Variants in PSD3 observed in about 807,000 individuals in gnomAD.
PSD3 encodes PH and SEC7 domain-containing protein 3.
PSD3 carries 49 observed loss-of-function variants against 105.5 expected under a neutral mutation model. The ratio of observed to expected loss-of-function variants is 0.46; its 90% confidence interval spans 0.37 to 0.59. PSD3 has a LOEUF of 0.59. PSD3 is among the 20% of genes least tolerant of loss of function. PSD3 has a pLI of 0.00. For synonymous variants in PSD3, 557 were observed against 457.8 expected (o/e 1.22, Z -2.77); for missense variants, 1,561 against 1,263.8 (o/e 1.24, Z -3.57).
At chr8:18,806,856 T>A (rs184562340) in intron 4 of PSD3, among the ~76,000 whole-genome samples, 1 of 152,210 alleles carries the variant, frequency 6.6e-6, no homozygotes, top group Non-Finnish European at 1.5e-5. Flanking sequence ...AAATATTCTA[T>A]TATAATCATT....
intron 1 of PSD3, among the ~76,000 whole-genome samples, chr8:18,944,864 A>G (rs1310046456): frequency 6.6e-6 from 1 of 152,116 alleles, no homozygotes; most frequent in Non-Finnish European, 1.5e-5. Flanking sequence ...TTATTCTCTG[A>G]GCATTTATTT....
chr8:18,873,059 G>A (rs1043392730), intron 2 of PSD3, among the ~76,000 whole-genome samples: 2 of 152,162 alleles, frequency 1.3e-5, no homozygotes, highest in African/African-American at 2.4e-5. Flanking sequence ...GTTACAATAA[G>A]GATATGTACC....
rs1817483788 is a variant in PSD3, at chr8:18,872,844, T to C, written c.131-111A>G. 2.9e-6 allele frequency: 3 copies of C among 1,047,128 alleles called. No homozygotes were observed. In the South Asian group the frequency reaches 5.0e-5, roughly 17 times the overall value. 64.9% of individuals were successfully genotyped at this position (1,047,128 alleles called of 1,614,324 possible). ...ACTCAATAATACTTATTAACTTGAT[T>C]ATTGCATTATATCAGTCCTCCCACC... is the stretch of plus-strand genomic sequence containing the variant. On this transcript the variant is annotated intron_variant, in intron 2 of 15. Transcript: ENST00000327040.
At chr8:18,882,754 G>T (rs144961650) in intron 2 of PSD3, among the ~76,000 whole-genome samples, 6 of 151,842 alleles carry the variant, frequency 4.0e-5, no homozygotes, top group Middle Eastern at 3.4e-3. Context: ...GTTCCTTAGT[G>T]CTCCATACCA....
chr8:18,790,218 C>A (rs1219594963), intron 8 of PSD3, among the ~76,000 whole-genome samples: 1 of 151,940 alleles, frequency 6.6e-6, no homozygotes, highest in African/African-American at 2.4e-5. Flanking sequence ...AAAGTCTAGA[C>A]CATTGGCAAT....
chr8:18,553,638 C>G (rs1178474720), intron 15 of PSD3, among the ~76,000 whole-genome samples: 2 of 152,290 alleles, frequency 1.3e-5, no homozygotes, highest in African/African-American at 2.4e-5. Context: ...AGACTCTCTG[C>G]AAGCACTCAC....
rs1453609007 is a variant in PSD3, at chr8:18,871,978, C to G, written c.886G>C (p.Val296Leu). The G allele has an allele frequency of 6.2e-7, 1 of 1,614,150 alleles. No individual in the cohort carries two copies. Among genetic ancestry groups the G allele is most frequent in the Non-Finnish European group, 8.5e-7 (1 of 1,180,026 alleles). The stretch of plus-strand genomic sequence containing the variant: ...ACTCCTTGAAATTCCACATGTTTGA[C>G]CCGGCCTGGGCGTCCCATGGAGCTG... ...RSSSMGRPGRVKHVEFQGVEI... is the reference protein window; with the variant it reads ...RSSSMGRPGRLKHVEFQGVEI... The change falls in exon 3 of 16, where the codon GTC becomes CTC. Residue 296 changes from valine (V) to leucine (L), a missense_variant. Transcript: ENST00000327040.
intron 4 of PSD3, among the ~76,000 whole-genome samples, chr8:18,807,144 T>C (rs11774752): frequency 0.37 from 55,899 of 152,028 alleles, 11,317 homozygotes; most frequent in Non-Finnish European, 0.46. Context: ...AATGCATTTC[T>C]AAGCAGAACT....
chr8:18,629,532 C>G (rs186362829), intron 11 of PSD3, among the ~76,000 whole-genome samples: 172 of 152,014 alleles, frequency 1.1e-3, no homozygotes, highest in African/African-American at 4.0e-3. Context: ...AAGAGAGAAA[C>G]TATTAATTCA....
intron 10 of PSD3, among the ~76,000 whole-genome samples, chr8:18,651,033 C>T (rs765914886): frequency 1.1e-4 from 16 of 152,198 alleles, no homozygotes; most frequent in South Asian, 2.1e-4. Flanking sequence ...CAATGGACTA[C>T]GTAAGTACCT....
At position 18,533,447 on chromosome 8, in the gene PSD3, T is replaced by G. The variant is rs936851866; in HGVS notation, c.*2296A>C. 6.6e-6 allele frequency: 1 copy of G among 152,230 alleles called. No homozygotes were observed. The highest frequency in any genetic ancestry group is 1.5e-5 in the Non-Finnish European group (1 of 68,054). 9.4% of individuals were successfully genotyped at this position (152,230 alleles called of 1,614,324 possible). On this transcript the variant is annotated 3_prime_UTR_variant, in exon 16 of 16. Transcript: ENST00000327040. ...ATCCAGAAGTCCCTGGAGTTAATAT[T>G]AGTGACTCATATGACACGGACAGTG...
rs548685812 is a variant in PSD3, at chr8:18,687,255, A to G, written c.2173-31570T>C. ...AAGGCGGGCGGATCACATGAGTCCA[A>G]GAGTTCAAGACCAACCTGGGCAAAA... On this transcript the variant is annotated intron_variant, in intron 9 of 15. Transcript: ENST00000327040. Among the ~76,000 whole-genome samples the G allele has an allele frequency of 5.9e-5, 9 of 152,248 alleles. No individual in the cohort carries two copies. In the South Asian group the frequency reaches 1.7e-3, roughly 28 times the overall value.
At chr8:18,946,430 A>T (rs1382307083) in intron 1 of PSD3, among the ~76,000 whole-genome samples, 1 of 152,224 alleles carries the variant, frequency 6.6e-6, no homozygotes, top group African/African-American at 2.4e-5. Flanking sequence ...AAAATAAAAA[A>T]ATCAGCCAGG....
chr8:18,571,785 C>A (rs1215838037), intron 14 of PSD3, among the ~76,000 whole-genome samples: 3 of 152,186 alleles, frequency 2.0e-5, no homozygotes, highest in Non-Finnish European at 2.9e-5. Context: ...TAAGATAAAA[C>A]TGTCTCTATG....
At chr8:18,628,447 T>G (rs1342627205) in intron 11 of PSD3, among the ~76,000 whole-genome samples, 1 of 151,806 alleles carries the variant, frequency 6.6e-6, no homozygotes, top group Admixed American at 6.6e-5. Context: ...CTTTAAGTAT[T>G]GAAAGGAAAA....
At chr8:18,648,341 T>C (rs1306740999) in intron 10 of PSD3, among the ~76,000 whole-genome samples, 2 of 152,168 alleles carry the variant, frequency 1.3e-5, no homozygotes, top group Non-Finnish European at 2.9e-5. Context: ...AGGAACTTAT[T>C]GGGAACTAAA....
At chr8:18,596,550 T>C (rs1804111691) in intron 12 of PSD3, among the ~76,000 whole-genome samples, 1 of 151,898 alleles carries the variant, frequency 6.6e-6, no homozygotes, top group Non-Finnish European at 1.5e-5. Flanking sequence ...AAAATTTCTT[T>C]TCAAAAGATC....
chr8:18,909,733 C>T (rs1479331018), intron 2 of PSD3, among the ~76,000 whole-genome samples: 4 of 152,210 alleles, frequency 2.6e-5, no homozygotes, highest in Admixed American at 1.3e-4. Context: ...ATCTGCCCAC[C>T]TTGGCCTCCC....
intron 8 of PSD3, among the ~76,000 whole-genome samples, chr8:18,778,285 A>G (rs981948252): frequency 6.6e-6 from 1 of 152,194 alleles, no homozygotes; most frequent in Non-Finnish European, 1.5e-5. Context: ...ATTAGAGAAT[A>G]GACACACTGC....
Sources: allele counts gnomAD v4.1 joint callset (sites outside exome capture counted in the v4.1 genomes callset), GRCh38; gene constraint gnomAD v4.1.1; transcripts MANE v1.5; gene names NCBI Gene and HGNC (gene_info 2026-07-23, HGNC 2026-07-21).